Variants in TRIM9 observed in about 807,000 individuals in gnomAD.
TRIM9 encodes E3 ubiquitin-protein ligase TRIM9.
Under a neutral mutation model 78.3 loss-of-function variants are expected in TRIM9, and 26 were observed. The ratio of observed to expected loss-of-function variants is 0.33; its 90% confidence interval spans 0.24 to 0.46. The LOEUF (loss-of-function observed/expected upper bound fraction) is 0.46, where lower values mean the gene tolerates loss of function less well. Among genes scored for constraint, TRIM9 ranks in the 20% least tolerant of loss-of-function variants. TRIM9 has a pLI of 1.00. For synonymous variants in TRIM9, 398 were observed against 416.5 expected (o/e 0.96, Z 0.54); for missense variants, 787 against 1,036.4 (o/e 0.76, Z 3.30).
At chr14:51,016,278 C>T (rs1050570005) in intron 3 of TRIM9, among the ~76,000 whole-genome samples, 1 of 152,148 alleles carries the variant, frequency 6.6e-6, no homozygotes, top group African/African-American at 2.4e-5. Flanking sequence ...CTGTTAGAAA[C>T]CGGGCTGCAC....
chr14:50,984,004 G>C (rs1453802343), intron 8 of TRIM9, among the ~76,000 whole-genome samples: 1 of 152,208 alleles, frequency 6.6e-6, no homozygotes, highest in African/African-American at 2.4e-5. Context: ...TGAGGGAGGG[G>C]AGGAGGGATG....
intron 1 of TRIM9, among the ~76,000 whole-genome samples, chr14:51,075,746 C>A (rs903954502): frequency 4.0e-5 from 6 of 151,884 alleles, no homozygotes; most frequent in African/African-American, 1.4e-4. Flanking sequence ...CCTCTCAAAA[C>A]TTCCCAAGGC....
chr14:51,025,834 A>G (rs913265469), intron 1 of TRIM9, among the ~76,000 whole-genome samples: 1 of 152,118 alleles, frequency 6.6e-6, no homozygotes, highest in Non-Finnish European at 1.5e-5. Context: ...GGGGCCACTT[A>G]AATATAATCA....
intron 1 of TRIM9, among the ~76,000 whole-genome samples, chr14:51,092,256 T>G (rs988029633): frequency 6.6e-5 from 10 of 152,254 alleles, no homozygotes. Flanking sequence ...CCAGTTAGGC[T>G]TCAATTTGTG....
At chr14:51,040,027 C>A (rs897967983) in intron 1 of TRIM9, among the ~76,000 whole-genome samples, 39 of 152,326 alleles carry the variant, frequency 2.6e-4, no homozygotes, top group African/African-American at 8.7e-4. Flanking sequence ...TCCTGATCCG[C>A]CCGCCTCGGT....
At chr14:51,019,953 G>A (rs1214064725) in intron 3 of TRIM9, among the ~76,000 whole-genome samples, 1 of 152,136 alleles carries the variant, frequency 6.6e-6, no homozygotes, top group African/African-American at 2.4e-5. Context: ...AGGGACATGA[G>A]TAGATTATAA....
intron 1 of TRIM9, among the ~76,000 whole-genome samples, chr14:51,086,425 C>T (rs1439173330): frequency 6.6e-6 from 1 of 152,162 alleles, no homozygotes; most frequent in East Asian, 1.9e-4. Flanking sequence ...GTATAAAATA[C>T]AGGCTTTCAA....
At chr14:51,015,626 A>G (rs1328328391) in intron 3 of TRIM9, among the ~76,000 whole-genome samples, 1 of 140,580 alleles carries the variant, frequency 7.1e-6, no homozygotes, top group Non-Finnish European at 1.5e-5. Flanking sequence ...TGATCTTCCC[A>G]TCTCAGCCTC....
At chr14:51,045,582 A>T (rs1435599906) in intron 1 of TRIM9, among the ~76,000 whole-genome samples, 1 of 152,200 alleles carries the variant, frequency 6.6e-6, no homozygotes, top group Non-Finnish European at 1.5e-5. Flanking sequence ...GGAACAATGT[A>T]GCATAAATCC....
intron 1 of TRIM9, among the ~76,000 whole-genome samples, chr14:51,038,918 C>G (rs543715237): frequency 6.6e-6 from 1 of 152,306 alleles, no homozygotes; most frequent in African/African-American, 2.4e-5. Context: ...GTGGTCCATT[C>G]CAGCTTAACT....
intron 5 of TRIM9, among the ~76,000 whole-genome samples, chr14:51,002,773 A>G (rs1424229652): frequency 6.6e-6 from 1 of 152,234 alleles, no homozygotes; most frequent in African/African-American, 2.4e-5. Context: ...AAGCCGGTCA[A>G]TTGTCGTATA....
intron 1 of TRIM9, among the ~76,000 whole-genome samples, chr14:51,046,835 A>G (rs906387869): frequency 6.6e-6 from 1 of 152,228 alleles, no homozygotes; most frequent in Admixed American, 6.5e-5. Context: ...GTGAGGATTA[A>G]CTGGCTCAAT....
chr14:51,067,170 T>C (rs60705836), intron 1 of TRIM9, among the ~76,000 whole-genome samples: 3,828 of 152,304 alleles, frequency 0.025, 166 homozygotes, highest in African/African-American at 0.088. Flanking sequence ...CATGTTAAAC[T>C]AGTTCCCTCC....
intron 3 of TRIM9, among the ~76,000 whole-genome samples, chr14:51,020,228 A>G (rs1225087436): frequency 6.6e-6 from 1 of 152,184 alleles, no homozygotes; most frequent in Non-Finnish European, 1.5e-5. Flanking sequence ...CACAAATCTG[A>G]GTAGCAACAA....
intron 1 of TRIM9, among the ~76,000 whole-genome samples, chr14:51,062,043 T>A (rs574517300): frequency 4.3e-4 from 66 of 152,344 alleles, no homozygotes; most frequent in African/African-American, 1.5e-3. Flanking sequence ...TATTTCTTCT[T>A]AAAGTTCACT....
At chr14:51,070,889 C>A (rs1172653749) in intron 1 of TRIM9, among the ~76,000 whole-genome samples, 1 of 152,098 alleles carries the variant, frequency 6.6e-6, no homozygotes, top group Non-Finnish European at 1.5e-5. Flanking sequence ...CATTCCTAGA[C>A]GTTTTCTTTC....
intron 1 of TRIM9, among the ~76,000 whole-genome samples, chr14:51,069,502 G>A (rs1435351309): frequency 6.6e-6 from 1 of 152,214 alleles, no homozygotes; most frequent in East Asian, 1.9e-4. Context: ...AATGTCAACA[G>A]TGCTGAGATT....
At chr14:51,074,460 A>G (rs1455226151) in intron 1 of TRIM9, among the ~76,000 whole-genome samples, 2 of 152,230 alleles carry the variant, frequency 1.3e-5, no homozygotes, top group Non-Finnish European at 2.9e-5. Flanking sequence ...CCAGGCTTAC[A>G]TCGCAACTCA....
rs1187880715 is a variant in TRIM9, at chr14:51,039,739, T to TC, written c.823-14380_823-14379insG. Among the ~76,000 whole-genome samples the TC allele has an allele frequency of 2.7e-5, 4 of 149,782 alleles. No individual in the cohort carries two copies. In the East Asian group the frequency reaches 7.8e-4, roughly 29 times the overall value. On this transcript the variant is annotated intron_variant, in intron 1 of 12. Transcript: ENST00000684578. Reference sequence around the variant, plus strand: ...CAGATTTGTATATTTTATTATAAATTATATTTTTAAATAAACTTTTTTTTT... The same window carrying TC: ...CAGATTTGTATATTTTATTATAAATTCATATTTTTAAATAAACTTTTTTTTT...
Sources: gnomAD v4.1 joint callset for allele counts (sites outside exome capture counted in the v4.1 genomes callset) on GRCh38, gnomAD v4.1.1 for gene constraint, MANE v1.5 for transcripts, NCBI Gene and HGNC (gene_info 2026-07-23, HGNC 2026-07-21) for gene names.